The following MEIOB variants were observed in gnomAD, a reference collection of about 807,000 sequenced individuals.
MEIOB encodes meiosis specific with OB-fold.
Under a neutral mutation model 53.1 loss-of-function variants are expected in MEIOB, and 50 were observed. That is an observed-to-expected ratio of 0.94 (90% CI 0.75 to 1.19). The LOEUF is 1.19. MEIOB is among the 50% of genes most tolerant of loss of function. The probability of loss-of-function intolerance (pLI) is 0.00; values close to 1 mark genes in which losing one functional copy is unlikely to be tolerated. For synonymous variants in MEIOB, 192 were observed against 182.5 expected, an observed-to-expected ratio of 1.05 and a Z score of -0.42; for missense variants, 551 against 550.8, an observed-to-expected ratio of 1.00 and a Z score of 0.00.
intron 11 of MEIOB, among the ~76,000 whole-genome samples, chr16:1,841,417 C>G (rs975045882): frequency 6.6e-6 from 1 of 152,138 alleles, no homozygotes; most frequent in South Asian, 2.1e-4. Context: ...TGGGCTCAAC[C>G]GATCCTCCCA....
intron 6 of MEIOB, among the ~76,000 whole-genome samples, chr16:1,856,579 A>G (rs1164240039): frequency 6.6e-6 from 1 of 152,034 alleles, no homozygotes; most frequent in Non-Finnish European, 1.5e-5. Context: ...TCAGCCACCC[A>G]AAGTGCTGGG....
chr16:1,864,887 AGG>A (rs1899545677), intron 3 of MEIOB, among the ~76,000 whole-genome samples: 1 of 152,196 alleles, frequency 6.6e-6, no homozygotes, highest in African/African-American at 2.4e-5. Flanking sequence ...ATTTGGTAAA[AGG>A]AGATATAGAC....
At chr16:1,844,214 C>G (rs922607760) in intron 10 of MEIOB, among the ~76,000 whole-genome samples, 1 of 151,234 alleles carries the variant, frequency 6.6e-6, no homozygotes, top group Admixed American at 6.6e-5. Flanking sequence ...CCTCCGCCTC[C>G]TGGGTTCAAG....
At chr16:1,862,646 C>A (rs1010695037) in intron 3 of MEIOB, among the ~76,000 whole-genome samples, 4 of 151,840 alleles carry the variant, frequency 2.6e-5, no homozygotes, top group Admixed American at 2.6e-4. Flanking sequence ...ATAGGCCGGG[C>A]GCAATGGCTC....
At chr16:1,854,331 T>C (rs1454272616) in intron 6 of MEIOB, 131 bp from the exon 7 acceptor site, 5 of 592,968 alleles carry the variant, frequency 8.4e-6, no homozygotes, top group East Asian at 2.9e-5. Context: ...GAACCAGTAA[T>C]ATATAGTTGA....
chr16:1,848,846 C>T (rs535700659), intron 9 of MEIOB, among the ~76,000 whole-genome samples: 3 of 152,012 alleles, frequency 2.0e-5, no homozygotes, highest in African/African-American at 4.8e-5. Flanking sequence ...GCCTGGCCGG[C>T]AAAATCCTTT....
intron 13 of MEIOB, 95 bp downstream of exon 13, chr16:1,837,689 T>C: frequency 1.5e-6 from 1 of 646,406 alleles, no homozygotes; most frequent in Non-Finnish European, 2.6e-6. Flanking sequence ...GCATTAGAAA[T>C]AATAAATTCT....
intron 6 of MEIOB, 98 bp downstream of exon 6, chr16:1,857,637 T>C: frequency 2.3e-6 from 2 of 860,056 alleles, no homozygotes; most frequent in Non-Finnish European, 3.6e-6. Context: ...GAAGAAAAGT[T>C]ACCCCAGCTG....
At chr16:1,849,859 C>CA (rs1013495567) in intron 9 of MEIOB, among the ~76,000 whole-genome samples, 7 of 151,564 alleles carry the variant, frequency 4.6e-5, no homozygotes, top group African/African-American at 1.5e-4. Context: ...GTTCTCACCA[C>CA]AAAAAAAATG....
chr16:1,866,091 T>C (rs1001704781), intron 2 of MEIOB, among the ~76,000 whole-genome samples: 7 of 152,228 alleles, frequency 4.6e-5, no homozygotes, highest in Non-Finnish European at 7.3e-5. Flanking sequence ...TTCTACTTTA[T>C]TTTCAATCAC....
chr16:1,849,603 T>C (rs1242220691), intron 9 of MEIOB, among the ~76,000 whole-genome samples: 1 of 150,316 alleles, frequency 6.7e-6, no homozygotes, highest in Non-Finnish European at 1.5e-5. Flanking sequence ...TCATGGGACA[T>C]GTATACCTAT....
chr16:1,866,233 A>T (rs186161180), intron 2 of MEIOB, among the ~76,000 whole-genome samples: 1 of 152,346 alleles, frequency 6.6e-6, no homozygotes, highest in East Asian at 1.9e-4. Flanking sequence ...CAATCCACAT[A>T]AAATCACTTA....
intron 9 of MEIOB, among the ~76,000 whole-genome samples, chr16:1,846,927 C>G (rs1475422414): frequency 6.7e-6 from 1 of 149,648 alleles, no homozygotes; most frequent in Admixed American, 6.7e-5. Flanking sequence ...GAGGGTGAGG[C>G]GGGCGGATCA....
chr16:1,865,761 G>C lies in MEIOB; in HGVS notation c.127+17C>G. On this transcript the variant is annotated intron_variant, in intron 3 of 13. Coordinates refer to ENST00000325962, the MANE Select transcript of MEIOB (RefSeq NM_001163560.3). Reference sequence around the variant, plus strand: ...AAGTTGATGAAAAATGAAACCAAGAGTTAAACAGAACTCAGCTTTTTCTGT... The same window carrying C: ...AAGTTGATGAAAAATGAAACCAAGACTTAAACAGAACTCAGCTTTTTCTGT... The C allele has an allele frequency of 6.5e-7, 1 of 1,536,364 alleles. No homozygotes were observed. The highest frequency in any genetic ancestry group is 8.8e-7 in the Non-Finnish European group (1 of 1,138,120).
chr16:1,836,535 A>G lies in MEIOB; in HGVS notation c.1305+1249T>C, dbSNP rs141930143. Among the ~76,000 whole-genome samples, 428 of 147,378 alleles carry G rather than the reference A, an allele frequency of 2.9e-3. 2 individuals are homozygous for G. Among genetic ancestry groups the G allele is most frequent in the African/African-American group, 1.0e-2 (408 of 40,984 alleles). ...CCCATGCTAACTGTTGAAGAGATGC[A>G]GCATCTTACTGCAACTTTACTGCCT... is the stretch of plus-strand genomic sequence containing the variant. On this transcript the variant is annotated intron_variant, in intron 13 of 13. Transcript: ENST00000325962.
chr16:1,846,572 T>A (rs62038439), intron 9 of MEIOB, among the ~76,000 whole-genome samples: 3,317 of 152,192 alleles, frequency 0.022, 43 homozygotes, highest in Non-Finnish European at 0.03. Context: ...AGTGGTAGAC[T>A]GGATAAAGAA....
At chr16:1,840,357 C>A (rs1053680882) in intron 11 of MEIOB, 2 of 152,044 alleles carry the variant, frequency 1.3e-5, no homozygotes, top group African/African-American at 4.8e-5. Context: ...GCAATAGATA[C>A]ACAAACTTAC....
Position 1,839,329 on chromosome 16 carries a change from GATCA to G in MEIOB, c.1140_1143del (p.Asp381Ter), listed in dbSNP as rs766633975. On this transcript the variant is annotated frameshift_variant, in exon 12 of 14. Transcript: ENST00000325962. LOFTEE classifies it high-confidence loss of function. ...TGAAGGGTGCCTGTGTGATCAGTCA[GATCA>G]ATCAGCACATGGAAACTGAGAAAGA... The G allele has an allele frequency of 2.4e-5, 39 of 1,614,196 alleles. 1 individual carries two copies. In the South Asian group the frequency reaches 4.0e-4, roughly 16 times the overall value.
At position 1,854,108 on chromosome 16, in the gene MEIOB, C is replaced by T. The variant is rs1488645100; in HGVS notation, c.621G>A (p.Ala207=). The part of the protein sequence containing the change: ...RLYDETESSF[A]MTCWDNESIL... ...CAGACATCGGTGTTTACCATGTCAT[C>T]GCAAAAGACGACTCTGTTTCATCAT... is the stretch of plus-strand genomic sequence containing the variant. Residue 207 remains alanine (A), a synonymous_variant, in exon 7 of 14, where the codon GCG becomes GCA. Coordinates refer to ENST00000325962, the MANE Select transcript of MEIOB (RefSeq NM_001163560.3). 7.8e-6 allele frequency: 12 copies of T among 1,545,880 alleles called. No individual in the cohort carries two copies. Among genetic ancestry groups the T allele is most frequent in the African/African-American group, 1.4e-5 (1 of 72,920 alleles).
Sources: gnomAD v4.1 joint callset for allele counts (sites outside exome capture counted in the v4.1 genomes callset) on GRCh38, gnomAD v4.1.1 for gene constraint, MANE v1.5 for transcripts, NCBI Gene and HGNC (gene_info 2026-07-23, HGNC 2026-07-21) for gene names.